PYGL: variants seen among roughly 807,000 people sequenced by gnomAD.
PYGL encodes the protein glycogen phosphorylase, liver form.
A neutral mutation model predicts 100.1 loss-of-function variants in PYGL; 90 were observed. That is an observed-to-expected ratio of 0.90 (90% CI 0.76 to 1.07). The LOEUF (loss-of-function observed/expected upper bound fraction) is 1.07, where lower values mean the gene tolerates loss of function less well. Ranked by LOEUF, PYGL falls within the 50% of genes least tolerant of loss-of-function variation. The pLI, the probability that PYGL is intolerant of heterozygous loss-of-function variation, is 0.00. For missense variants in PYGL, 1,016 were observed against 1,057.6 expected (o/e 0.96, Z 0.55); for synonymous variants, 373 against 393.0 (o/e 0.95, Z 0.60).
Position 50,920,590 on chromosome 14 carries a change from T to C in PYGL, c.806A>G (p.Asp269Gly), listed in dbSNP as rs557868018. ...GGAGATGTTCTCGGCCAGGTTTCGG[T>C]CCAGCACAGCCTGAATGTAGTCTCC... ...NVGDYIQAVL[D>G]RNLAENISRV... The change falls in exon 7 of 20, where the codon GAC (aspartate) becomes GGC (glycine). Residue 269 changes from aspartate to glycine, a missense_variant. Transcript: ENST00000216392. 7.2e-5 allele frequency: 116 copies of C among 1,613,198 alleles called. 1 individual carries two copies. In the South Asian group the frequency reaches 1.2e-3, roughly 17 times the overall value.
At position 50,916,995 on chromosome 14, in the gene PYGL, A is replaced by G; in HGVS notation, c.966T>C (p.Gly322=). The change falls in exon 8 of 20, where the codon GGT becomes GGC. Residue 322 remains glycine, a synonymous_variant. Coordinates refer to ENST00000216392, the MANE Select transcript of PYGL (RefSeq NM_002863.5). ...FKASKFGSTR[G]AGTVFDAFPD... ...GGAAGGCATCAAACACAGTTCCTGC[A>G]CCACGGGTGGAGCCAAACTTGGAGG... 2 of 1,614,252 alleles carry G rather than the reference A, an allele frequency of 1.2e-6. No individual in the cohort carries two copies. The highest frequency in any genetic ancestry group is 1.7e-6 in the Non-Finnish European group (2 of 1,180,036).
intron 8 of PYGL, 44 bp from the exon 9 acceptor site, chr14:50,916,778 G>C: frequency 6.3e-7 from 1 of 1,584,356 alleles, no homozygotes; most frequent in Non-Finnish European, 8.7e-7. Flanking sequence ...GGATGGCTCA[G>C]GGTCTGGCTT....
chr14:50,937,676 T>C (rs1017932990), intron 2 of PYGL, 60 bp downstream of exon 2: 17 of 1,495,616 alleles, frequency 1.1e-5, no homozygotes, highest in Non-Finnish European at 1.6e-5. Flanking sequence ...GTCCCCAAGT[T>C]TCCTGAAGTG....
chr14:50,929,230 T>C (rs981568400), intron 4 of PYGL, among the ~76,000 whole-genome samples: 2 of 152,046 alleles, frequency 1.3e-5, no homozygotes, highest in African/African-American at 4.8e-5. Flanking sequence ...TTTGTATTTT[T>C]AGTAGAGACT....
chr14:50,935,172 A>G lies in PYGL; in HGVS notation c.359T>C (p.Ile120Thr). 6.2e-7 allele frequency: 1 copy of G among 1,612,050 alleles called. No individual in the cohort carries two copies. The highest frequency in any genetic ancestry group is 8.5e-7 in the Non-Finnish European group (1 of 1,178,118). ...TTCTTCAATTTCTTCTAACTCTTCT[A>G]TATCCAATCCAAGCTGGTAATGAAA... ...DEAIYQLGLD[I>T]EELEEIEEDA... The change falls in exon 3 of 20, where the codon ATA (isoleucine) becomes ACA (threonine). Residue 120 changes from isoleucine to threonine, a missense_variant. Physicochemically the swap from Ile to Thr is moderately conservative, Grantham distance 89. Coordinates refer to ENST00000216392, the MANE Select transcript of PYGL (RefSeq NM_002863.5).
In PYGL at chr14:50,911,930, G is replaced by A. The variant is rs768005365; in HGVS notation, c.1827+48C>T. 4 of 1,613,406 alleles carry A rather than the reference G, an allele frequency of 2.5e-6. No individual in the cohort carries two copies. The South Asian group carries it at 3.3e-5, about 13-fold the overall frequency. ...GGCAGCCATGATGAAGTAGAAGAAT[G>A]GCAAGAGATTAGAGCCCTCAAGTCC... On this transcript the variant is annotated intron_variant, in intron 15 of 19. Coordinates refer to ENST00000216392, the MANE Select transcript of PYGL (RefSeq NM_002863.5).
chr14:50,927,983 C>A (rs1159376599), intron 4 of PYGL, among the ~76,000 whole-genome samples: 5 of 152,034 alleles, frequency 3.3e-5, no homozygotes, highest in Non-Finnish European at 7.4e-5. Context: ...GGGTGGGGGG[C>A]CAAGGTGGGA....
chr14:50,913,028 C>T lies in PYGL; in HGVS notation c.1620+1G>A, dbSNP rs113993981. The T allele has an allele frequency of 2.3e-5, 37 of 1,613,716 alleles. No homozygotes were observed. The highest frequency in any genetic ancestry group is 4.0e-5 in the African/African-American group (3 of 74,910). ...AGGGGACCCACACCTGGAAGGCTCA[C>T]CTGCTTCACCTTGGCGAGTTCCCGG... is the stretch of plus-strand genomic sequence containing the variant. On this transcript the variant is annotated splice_donor_variant, in intron 13 of 19. Transcript: ENST00000216392. LOFTEE classifies it high-confidence loss of function.
chr14:50,934,347 AAAAAT>A (rs758739997), intron 3 of PYGL, among the ~76,000 whole-genome samples: 1 of 152,196 alleles, frequency 6.6e-6, no homozygotes, highest in Non-Finnish European at 1.5e-5. Flanking sequence ...CTACCACTGA[AAAAAT>A]AAAATAAAAT....
intron 6 of PYGL, 93 bp downstream of exon 6, chr14:50,920,863 T>A (rs767734557): frequency 7.5e-7 from 1 of 1,331,486 alleles, no homozygotes; most frequent in Non-Finnish European, 1.1e-6. Context: ...AACTCAAGGC[T>A]TTTTTGTTTG....
intron 16 of PYGL, among the ~76,000 whole-genome samples, chr14:50,911,156 T>C (rs1442681220): frequency 1.3e-5 from 2 of 152,174 alleles, no homozygotes; most frequent in African/African-American, 4.8e-5. Flanking sequence ...GTGACCCAAA[T>C]AACCAAAGGT....
At chr14:50,910,560 A>G (rs1055695010) in intron 16 of PYGL, among the ~76,000 whole-genome samples, 1 of 152,058 alleles carries the variant, frequency 6.6e-6, no homozygotes, top group Admixed American at 6.5e-5. Context: ...GGCTCAAGCA[A>G]TCTTCCTGCC....
chr14:50,921,087 C>T lies in PYGL; in HGVS notation c.661-20G>A, dbSNP rs1231800851. On this transcript the variant is annotated intron_variant, in intron 5 of 19. Transcript: ENST00000216392. ...GACCACCTGTGGGATTAAACAGAAG[C>T]AGCTGCTCATTGTTTCCCAAGTGTG... The T allele has an allele frequency of 6.4e-7, 1 of 1,565,758 alleles. No individual in the cohort carries two copies. The highest frequency in any genetic ancestry group is 1.7e-5 in the Admixed American group (1 of 59,942).
Position 50,924,018 on chromosome 14 carries a change from T to C in PYGL, c.611A>G (p.Tyr204Cys), listed in dbSNP as rs34096980. ...RPEFMLPVHF[Y>C]GKVEHTNTGT... ...GGTGTTGGTGTGTTCTACTTTTCCA[T>C]AGAAGTGCACAGGCAGCATGAATTC... The change falls in exon 5 of 20, where the codon TAT becomes TGT. Residue 204 changes from tyrosine to cysteine, a missense_variant. Transcript: ENST00000216392. The C allele has an allele frequency of 3.0e-3, 4,824 of 1,613,930 alleles. 16 individuals are homozygous for C. Among genetic ancestry groups the C allele is most frequent in the Non-Finnish European group, 3.5e-3 (4,123 of 1,179,798 alleles).
intron 12 of PYGL, among the ~76,000 whole-genome samples, chr14:50,913,913 G>A (rs2050422319): frequency 6.6e-6 from 1 of 151,982 alleles, no homozygotes; most frequent in African/African-American, 2.4e-5. Flanking sequence ...ATGTTGCCCA[G>A]GCTAGTTTCA....
At chr14:50,916,801 A>C in intron 8 of PYGL, 67 bp from the exon 9 acceptor site, 1 of 1,556,134 alleles carries the variant, frequency 6.4e-7, no homozygotes, top group Non-Finnish European at 8.9e-7. Flanking sequence ...TTGTCCTAAC[A>C]CATCTGGAGA....
At chr14:50,936,783 T>G (rs2050656776) in intron 2 of PYGL, among the ~76,000 whole-genome samples, 1 of 140,582 alleles carries the variant, frequency 7.1e-6, no homozygotes, top group African/African-American at 2.5e-5. Flanking sequence ...AGGACGAGAC[T>G]CCGTCTCAAA....
At chr14:50,934,671 A>ATG (rs1000152292) in intron 3 of PYGL, among the ~76,000 whole-genome samples, 1 of 150,210 alleles carries the variant, frequency 6.7e-6, no homozygotes, top group Non-Finnish European at 1.5e-5. Flanking sequence ...ATATATATAT[A>ATG]TGTGTGTGTG....
At chr14:50,909,833 G>A in intron 17 of PYGL, 62 bp downstream of exon 17, 4 of 1,574,736 alleles carry the variant, frequency 2.5e-6, no homozygotes, top group Admixed American at 3.3e-5. Flanking sequence ...AGCCCTCTGA[G>A]GTCACATACC....
Sources: allele counts gnomAD v4.1 joint callset (sites outside exome capture counted in the v4.1 genomes callset), GRCh38; gene constraint gnomAD v4.1.1; transcripts MANE v1.5; gene names NCBI Gene and HGNC (gene_info 2026-07-23, HGNC 2026-07-21).